The following CLIC5 variants were observed in gnomAD, a reference collection of about 807,000 sequenced individuals.
The protein encoded by CLIC5 is CLIC family member 5, also known as chloride intracellular channel protein 5.
In CLIC5, 20 loss-of-function variants were observed where a neutral mutation model predicts 24.7. That is an observed-to-expected ratio of 0.81 (90% confidence interval 0.57 to 1.18). The LOEUF (loss-of-function observed/expected upper bound fraction) is 1.18. CLIC5 is among the 50% of genes most tolerant of loss of function. The pLI is 0.00. For synonymous variants in CLIC5, 159 were observed against 135.6 expected, an observed-to-expected ratio of 1.17 and a Z score of -1.20; for missense variants, 341 against 326.1, an observed-to-expected ratio of 1.05 and a Z score of -0.35.
At chr6:46,018,317 C>T (rs1767079245), upstream of CLIC5, among the ~76,000 whole-genome samples, 1 of 152,180 alleles carries the variant, frequency 6.6e-6, no homozygotes, top group Non-Finnish European at 1.5e-5. Flanking sequence ...GGTATGACTT[C>T]TCTTTCCTTA....
intron 1 of CLIC5, among the ~76,000 whole-genome samples, chr6:46,002,541 C>T (rs1046205454): frequency 6.6e-6 from 1 of 152,098 alleles, no homozygotes; most frequent in African/African-American, 2.4e-5. Flanking sequence ...TCTCTCTTAC[C>T]CACTTCCTTC....
intron 4 of CLIC5, among the ~76,000 whole-genome samples, chr6:45,937,106 C>T (rs1032375209): frequency 6.6e-6 from 1 of 152,110 alleles, no homozygotes; most frequent in African/African-American, 2.4e-5. Flanking sequence ...TGGGCCAGGC[C>T]ACTGACGCTC....
Position 45,940,330 on chromosome 6 carries a change from C to T in CLIC5, c.406+1217G>A, listed in dbSNP as rs1166755316. Among the ~76,000 whole-genome samples, 7 of 152,210 alleles carry T rather than the reference C, an allele frequency of 4.6e-5. No homozygotes were observed. The East Asian group carries it at 1.3e-3, about 29-fold the overall frequency. ...TGGATCAAACTGACTTGAAGCCTGT[C>T]CTTCTGCATCTGCCAGGCATTGAAG... is the stretch of plus-strand genomic sequence containing the variant. On this transcript the variant is annotated intron_variant, in intron 4 of 5. Transcript: ENST00000339561.
chr6:45,929,686 A>AGAT, intron 4 of CLIC5, among the ~76,000 whole-genome samples: 1 of 152,296 alleles, frequency 6.6e-6, no homozygotes, highest in African/African-American at 2.4e-5. Flanking sequence ...GCCTTCACCA[A>AGAT]GATGGCCTGA....
intron 5 of CLIC5, among the ~76,000 whole-genome samples, chr6:45,910,268 T>C (rs1422268126): frequency 2.6e-5 from 4 of 152,190 alleles, no homozygotes; most frequent in African/African-American, 9.7e-5. Flanking sequence ...GTGTGCTCTG[T>C]TCCAGGGACT....
rs377285809 is a variant in CLIC5, at chr6:45,949,313, A to G, written c.242T>C (p.Val81Ala). 18 of 1,614,004 alleles carry G rather than the reference A, an allele frequency of 1.1e-5. No individual in the cohort carries two copies. The highest frequency in any genetic ancestry group is 1.1e-4 in the East Asian group (5 of 44,868). The change falls in exon 3 of 6, where the codon GTG (valine) becomes GCG (alanine). Residue 81 changes from valine (V) to alanine (A), a missense_variant. Val to Ala is a moderately conservative substitution (Grantham distance 64, BLOSUM62 0). Coordinates refer to ENST00000339561, the MANE Select transcript of CLIC5 (RefSeq NM_016929.5). ...HPPFLTFNGD[V>A]KTDVNKIEEF... ...CTCGATCTTATTGACGTCTGTCTTC[A>G]CGTCCCCGTTGAAGGTCAGGAAGGG...
In CLIC5 at chr6:45,959,518, T is replaced by TTTG. The variant is rs151117400; in HGVS notation, c.64-4277_64-4275dup. ...GTATTTAGTTGGGGTATATGGGGCT[T>TTTG]TTGTTGTTGTTGTTGTTGTTGTTGT... On this transcript the variant is annotated intron_variant, in intron 1 of 5. Coordinates refer to ENST00000339561, the MANE Select transcript of CLIC5 (RefSeq NM_016929.5). Among the ~76,000 whole-genome samples the TTTG allele has an allele frequency of 6.0e-3, 916 of 151,542 alleles. 12 individuals are homozygous for TTTG. The highest frequency in any genetic ancestry group is 0.018 in the African/African-American group (762 of 41,268).
chr6:45,881,467 G>C (rs868778873), intron 6 of CLIC5, among the ~76,000 whole-genome samples: 1 of 152,058 alleles, frequency 6.6e-6, no homozygotes, highest in Non-Finnish European at 1.5e-5. Flanking sequence ...GATTCTCCCC[G>C]TTAGGTGATG....
At chr6:45,922,819 G>GAA in intron 4 of CLIC5, among the ~76,000 whole-genome samples, 2 of 146,308 alleles carry the variant, frequency 1.4e-5, no homozygotes, top group South Asian at 4.6e-4. Context: ...GAGAGAGAGA[G>GAA]AGAAAGAGAG....
downstream of CLIC5, among the ~76,000 whole-genome samples, chr6:45,896,483 C>A (rs953591132): frequency 6.6e-6 from 1 of 152,226 alleles, no homozygotes; most frequent in Admixed American, 6.5e-5. Context: ...GAGTCAAATT[C>A]TCGTTTCTTT....
Position 46,015,512 on chromosome 6 carries a change from C to A in CLIC5, c.31G>T (p.Asp11Tyr). 1 of 1,574,802 alleles carries A rather than the reference C, an allele frequency of 6.3e-7. No homozygotes were observed. The highest frequency in any genetic ancestry group is 8.6e-7 in the Non-Finnish European group (1 of 1,161,904). Residue 11 changes from aspartate to tyrosine, a missense_variant, in exon 1 of 6, where the codon GAC becomes TAC. Asp to Tyr is a radical substitution (Grantham distance 160). Transcript: ENST00000339561. MTDSATANGD[D>Y]RDPEIELFVK... ...AAGAGCTCGATCTCGGGGTCCCTGT[C>A]GTCCCCGTTAGCTGTCGCCGAGTCT...
chr6:46,079,428 G>C (rs747663012), intron 1 of CLIC5, among the ~76,000 whole-genome samples: 1 of 152,180 alleles, frequency 6.6e-6, no homozygotes, highest in African/African-American at 2.4e-5. Flanking sequence ...CAGCAGTTAT[G>C]GCTCACTTAT....
Position 46,053,266 on chromosome 6 carries a change from GGGTGACA to G in CLIC5, c.540+26430_540+26436del, listed in dbSNP as rs531754595. On this transcript the variant is annotated intron_variant, in intron 1 of 5. Transcript: ENST00000185206. Reference sequence around the variant, plus strand: ...CAGGCAAAGTCCTGCCCCTGGAGCTGGGTGACAGGCTGGTAGGGCAGATGGACAACCA... The same window carrying G: ...CAGGCAAAGTCCTGCCCCTGGAGCTGGGCTGGTAGGGCAGATGGACAACCA... Among the ~76,000 whole-genome samples, 154 of 152,268 alleles carry G rather than the reference GGGTGACA, an allele frequency of 1.0e-3. 3 individuals carry two copies. Among genetic ancestry groups the G allele is most frequent in the Middle Eastern group, 6.8e-3 (2 of 294 alleles).
chr6:45,974,522 T>TATATATATATATAGAGAGAGAG (rs1339415709), intron 1 of CLIC5, among the ~76,000 whole-genome samples: 1 of 66,002 alleles, frequency 1.5e-5, no homozygotes, highest in African/African-American at 6.2e-5. Flanking sequence ...TATATATATA[T>TATATATATATATAGAGAGAGAG]AGAGAGAGAG....
intron 4 of CLIC5, among the ~76,000 whole-genome samples, chr6:45,933,768 G>A (rs1224973267): frequency 6.6e-6 from 1 of 152,238 alleles, no homozygotes; most frequent in Admixed American, 6.5e-5. Flanking sequence ...AGAGGGGCAG[G>A]GAGGTTGGCG....
At chr6:45,892,963 T>A (rs72870081) in intron 6 of CLIC5, among the ~76,000 whole-genome samples, 3,124 of 152,332 alleles carry the variant, frequency 0.021, 43 homozygotes, top group Admixed American at 0.035. Context: ...TAGTCTCCAG[T>A]GGGCAGTTTA....
intron 1 of CLIC5, among the ~76,000 whole-genome samples, chr6:45,961,678 T>A (rs915302679): frequency 5.3e-5 from 8 of 152,198 alleles, no homozygotes; most frequent in Admixed American, 4.6e-4. Context: ...AAACAGTCTA[T>A]CCTTCCAATA....
chr6:46,084,212 G>T (rs373664969), upstream of CLIC5, among the ~76,000 whole-genome samples: 20 of 152,000 alleles, frequency 1.3e-4, no homozygotes, highest in East Asian at 7.7e-4. Context: ...ACCCTGATGG[G>T]TCTTGACTCT....
chr6:45,969,861 C>G (rs1189248597), intron 1 of CLIC5, among the ~76,000 whole-genome samples: 1 of 145,126 alleles, frequency 6.9e-6, no homozygotes, highest in Non-Finnish European at 1.5e-5. Flanking sequence ...GAAAGCCACA[C>G]TCCTACGACA....
Sources: allele counts gnomAD v4.1 joint callset (sites outside exome capture counted in the v4.1 genomes callset), GRCh38; gene constraint gnomAD v4.1.1; transcripts MANE v1.5; gene names NCBI Gene and HGNC (gene_info 2026-07-23, HGNC 2026-07-21).